The following NCF1 variants were observed in gnomAD, a reference collection of about 807,000 sequenced individuals.
The protein encoded by NCF1 is neutrophil cytosolic factor 1, also known as neutrophil cytosol factor 1.
NCF1 carries 8 observed loss-of-function variants against 34.9 expected under a neutral mutation model. The observed-to-expected ratio is 0.23, with a 90% confidence interval of 0.13 to 0.41. The LOEUF (loss-of-function observed/expected upper bound fraction) is 0.41, where lower values mean the gene tolerates loss of function less well. NCF1 is among the 10% of genes least tolerant of loss of function. The pLI, the probability that NCF1 is intolerant of heterozygous loss-of-function variation, is 1.00. For synonymous variants in NCF1, 57 were observed against 146.3 expected, an observed-to-expected ratio of 0.39 and a Z score of 4.41; for missense variants, 122 against 362.4, an observed-to-expected ratio of 0.34 and a Z score of 5.39.
chr7:74,783,602 G>A lies in NCF1; in HGVS notation c.652G>A (p.Glu218Lys), dbSNP rs149204001. The A allele has an allele frequency of 6.8e-6, 11 of 1,611,592 alleles. No homozygotes were observed. The highest frequency in any genetic ancestry group is 8.5e-6 in the Non-Finnish European group (10 of 1,179,644). The change falls in exon 7 of 11, where the codon GAG becomes AAG. Residue 218 changes from glutamate to lysine, a missense_variant. Glu to Lys is a moderately conservative substitution (Grantham distance 56). Transcript: ENST00000289473. ...CCTCGAGCCCCTGGACAGTCCTGACGAGACGGAAGACCCTGAGCCCAACTA... is the reference window on the plus strand; with the variant it reads ...CCTCGAGCCCCTGGACAGTCCTGACAAGACGGAAGACCCTGAGCCCAACTA... ...SFLEPLDSPD[E>K]TEDPEPNYAG...
intron 2 of NCF1, 103 bp from the exon 3 acceptor site, chr7:74,778,979 A>C: frequency 1.7e-6 from 1 of 603,014 alleles, no homozygotes; most frequent in South Asian, 1.8e-5. Flanking sequence ...TCGGCCTTTT[A>C]GGTGGTTTTG....
rs1554414114 is a variant in NCF1 at position 74,783,507 on chromosome 7, C to T, written c.575-18C>T. 4.3e-6 allele frequency: 7 copies of T among 1,610,084 alleles called. No individual in the cohort carries two copies. The South Asian group carries it at 6.6e-5, about 15-fold the overall frequency. ...CTGGGCCCTGCCCCTCAGTCACATT[C>T]CCGCACCTCTGGCACAGGTTGGTGG... On this transcript the variant is annotated intron_variant, in intron 6 of 10. Transcript: ENST00000289473.
intron 2 of NCF1, 88 bp downstream of exon 2, chr7:74,777,435 G>A: frequency 3.8e-6 from 4 of 1,056,684 alleles, no homozygotes; most frequent in Non-Finnish European, 2.8e-6. Flanking sequence ...TGGGGAAACT[G>A]CAGAACCCAG....
At chr7:74,788,819 G>T (rs1554415003) in intron 10 of NCF1, 115 bp downstream of exon 10, 3 of 1,340,158 alleles carry the variant, frequency 2.2e-6, no homozygotes, top group Admixed American at 2.0e-5. Context: ...CGGAATCAGA[G>T]GGAGAGGCGG....
chr7:74,782,051 A>C (rs782133512), intron 5 of NCF1, among the ~76,000 whole-genome samples: 2 of 135,316 alleles, frequency 1.5e-5, no homozygotes, highest in Non-Finnish European at 3.1e-5. Flanking sequence ...GGTTGGATGA[A>C]GGGCTGGTCA....
intron 8 of NCF1, among the ~76,000 whole-genome samples, chr7:74,787,489 G>C (rs1221039191): frequency 3.3e-5 from 5 of 152,100 alleles, no homozygotes; most frequent in African/African-American, 1.2e-4. Context: ...GAATTTGGTG[G>C]CTTGGAGGTA....
chr7:74,782,621 A>T (rs1796592530), intron 5 of NCF1, among the ~76,000 whole-genome samples: 1 of 151,908 alleles, frequency 6.6e-6, no homozygotes, highest in East Asian at 1.9e-4. Flanking sequence ...CTATGGTCCC[A>T]GCTATTCGGG....
rs1554413090 is a variant in NCF1, at chr7:74,777,149, A to G, written c.73-118A>G. 5 of 863,552 alleles carry G rather than the reference A, an allele frequency of 5.8e-6. No homozygotes were observed. The African/African-American group carries it at 8.4e-5, about 15-fold the overall frequency. 53.5% of individuals were successfully genotyped at this position (863,552 alleles called of 1,614,324 possible). A position where few individuals can be genotyped will look rare whatever the true frequency, so the allele number is the denominator to read the frequency against. On this transcript the variant is annotated intron_variant, in intron 1 of 10. Coordinates refer to ENST00000289473, the MANE Select transcript of NCF1 (RefSeq NM_000265.7). The stretch of plus-strand genomic sequence containing the variant: ...CTTTCTGCAATCCAGGACAACCGCA[A>G]AGATGGTCCTCACCCCAATCCTCTG...
chr7:74,783,763 C>A (rs1328276921), intron 7 of NCF1, 131 bp downstream of exon 7: 3 of 1,501,994 alleles, frequency 2.0e-6, no homozygotes, highest in Non-Finnish European at 2.7e-6. Context: ...AAGATCTCAT[C>A]GACTCTGGCT....
At chr7:74,787,648 C>G (rs1796698446) in intron 8 of NCF1, among the ~76,000 whole-genome samples, 1 of 150,566 alleles carries the variant, frequency 6.6e-6, no homozygotes, top group Admixed American at 6.7e-5. Context: ...CAACTCCTGG[C>G]CTCAAGCGAT....
rs781996787 is a variant in NCF1, at chr7:74,783,016, C to T, written c.529C>T (p.Leu177=). ...YEKTSGSEMA[L]STGDVVEVVE... ...GAAGACCTCGGGCTCCGAGATGGCT[C>T]TGTCCACGGGGGACGTGGTGGAGGT... The change falls in exon 6 of 11, where the codon CTG becomes TTG. Residue 177 remains leucine, a synonymous_variant. Transcript: ENST00000289473. 3.6e-5 allele frequency: 58 copies of T among 1,611,406 alleles called. No individual in the cohort carries two copies. Among genetic ancestry groups the T allele is most frequent in the Non-Finnish European group, 4.7e-5 (55 of 1,179,726 alleles).
intron 7 of NCF1, 150 bp downstream of exon 7, chr7:74,783,782 C>G (rs1796623181): frequency 6.8e-7 from 1 of 1,476,162 alleles, no homozygotes; most frequent in East Asian, 2.6e-5. Context: ...CTTGGGGGCC[C>G]TGGCAGGTTG....
intron 5 of NCF1, among the ~76,000 whole-genome samples, chr7:74,782,491 C>T (rs1445323104): frequency 2.8e-5 from 3 of 105,700 alleles, no homozygotes; most frequent in Non-Finnish European, 5.6e-5. Flanking sequence ...CACCTGTAAT[C>T]CCAACACTTT....
rs782465451 is a variant in NCF1, at chr7:74,783,128, G to A, written c.574+67G>A. 12 of 1,578,282 alleles carry A rather than the reference G, an allele frequency of 7.6e-6. No individual in the cohort carries two copies. The African/African-American group carries it at 1.4e-4, about 18-fold the overall frequency. ...AGGAACCCACAGCCACAAGCCCCCT[G>A]CCAAGGCTCAGGCAGCCTTGCCCCT... On this transcript the variant is annotated intron_variant, in intron 6 of 10. Coordinates refer to ENST00000289473, the MANE Select transcript of NCF1 (RefSeq NM_000265.7).
At chr7:74,788,752 T>G (rs1796721711) in intron 10 of NCF1, 48 bp downstream of exon 10, 1 of 1,551,184 alleles carries the variant, frequency 6.4e-7, no homozygotes, top group Non-Finnish European at 8.7e-7. Context: ...AGAGGCGGAG[T>G]CAGCGGGAGA....
chr7:74,785,821 T>G (rs1383042773), intron 8 of NCF1, among the ~76,000 whole-genome samples: 1 of 144,146 alleles, frequency 6.9e-6, no homozygotes, highest in Non-Finnish European at 1.5e-5. Context: ...AGGCGGAGGT[T>G]GCAGTGAGCC....
At chr7:74,776,017 A>G (rs1295711563) in intron 1 of NCF1, among the ~76,000 whole-genome samples, 28 of 67,870 alleles carry the variant, frequency 4.1e-4, no homozygotes, top group South Asian at 1.0e-3. Context: ...CACAATCTCC[A>G]CTCACTGCAT....
chr7:74,788,910 C>T lies in NCF1; in HGVS notation c.1052-129C>T. 4 of 561,270 alleles carry T rather than the reference C, an allele frequency of 7.1e-6. No homozygotes were observed. In the East Asian group the frequency reaches 1.2e-4, roughly 17 times the overall value. The allele number at this position is 561,270 out of a possible 1,614,324, so 34.8% of individuals were successfully genotyped here. A position where few individuals can be genotyped will look rare whatever the true frequency, so the allele number is the denominator to read the frequency against. On this transcript the variant is annotated intron_variant, in intron 10 of 10. Coordinates refer to ENST00000289473, the MANE Select transcript of NCF1 (RefSeq NM_000265.7). ...AGAGGCGGAGTCAGAGGGAGAGGCACAAGCGGGAGGCGAGGCCAGAGCGCG... is the reference window on the plus strand; with the variant it reads ...AGAGGCGGAGTCAGAGGGAGAGGCATAAGCGGGAGGCGAGGCCAGAGCGCG...
chr7:74,782,567 G>A (rs1469875660), intron 5 of NCF1, among the ~76,000 whole-genome samples: 11 of 145,934 alleles, frequency 7.5e-5, no homozygotes, highest in Non-Finnish European at 1.5e-4. Context: ...ATTGTCCCAA[G>A]ACCTTGTCTT....
Sources: allele counts gnomAD v4.1 joint callset (sites outside exome capture counted in the v4.1 genomes callset), GRCh38; gene constraint gnomAD v4.1.1; transcripts MANE v1.5; gene names NCBI Gene and HGNC (gene_info 2026-07-23, HGNC 2026-07-21).